The following STAU1 variants were observed in gnomAD, a reference collection of about 807,000 sequenced individuals.
The protein encoded by STAU1 is staufen double-stranded RNA binding protein 1.
A neutral mutation model predicts 62.9 loss-of-function variants in STAU1; 13 were observed. The observed-to-expected ratio is 0.21, with a 90% CI of 0.13 to 0.33. The LOEUF (loss-of-function observed/expected upper bound fraction) is 0.33, where lower values mean the gene tolerates loss of function less well. Ranked by LOEUF, STAU1 falls within the 10% of genes least tolerant of loss-of-function variation. STAU1 has a pLI of 1.00. For synonymous variants in STAU1, 269 were observed against 265.1 expected (o/e 1.01, Z -0.14); for missense variants, 571 against 712.1 (o/e 0.80, Z 2.25).
At chr20:49,129,122 C>CA (rs2092695869) in intron 6 of STAU1, among the ~76,000 whole-genome samples, 1 of 151,172 alleles carries the variant, frequency 6.6e-6, no homozygotes, top group African/African-American at 2.4e-5. Context: ...AAAAGACACT[C>CA]AAAAAAACTG....
chr20:49,118,114 G>A lies in STAU1; in HGVS notation c.1190-18C>T, dbSNP rs760280530. 1.5e-5 allele frequency: 24 copies of A among 1,606,762 alleles called. No individual in the cohort carries two copies. The highest frequency in any genetic ancestry group is 4.5e-5 in the East Asian group (2 of 44,816). ...TTTATTACCTGGGAGGGACATACAC[G>A]GTAAACACGAATCCACATCCACAGC... On this transcript the variant is annotated intron_variant, in intron 10 of 13. Transcript: ENST00000371856.
intron 2 of STAU1, among the ~76,000 whole-genome samples, chr20:49,169,329 G>A (rs974806672): frequency 2.0e-5 from 3 of 152,050 alleles, no homozygotes; most frequent in Non-Finnish European, 4.4e-5. Flanking sequence ...GATGAATGGG[G>A]GAAAATATAT....
intron 3 of STAU1, among the ~76,000 whole-genome samples, chr20:49,164,026 G>A (rs1482881340): frequency 6.6e-6 from 1 of 152,138 alleles, no homozygotes; most frequent in African/African-American, 2.4e-5. Flanking sequence ...GAGATCAGGA[G>A]TTGGAGATGA....
chr20:49,135,047 C>A, intron 6 of STAU1: 1 of 1,442,942 alleles, frequency 6.9e-7, no homozygotes, highest in Non-Finnish European at 9.7e-7. Flanking sequence ...ATCTCCAGAG[C>A]CCTGGGCAGC....
At chr20:49,125,534 G>GAAA (rs527934630) in intron 6 of STAU1, among the ~76,000 whole-genome samples, 10 of 76,366 alleles carry the variant, frequency 1.3e-4, no homozygotes, top group African/African-American at 2.4e-4. Context: ...TGTCTCAAAG[G>GAAA]AAAAAAAAAA....
At chr20:49,204,014 C>A in the STAU1 span, among the ~76,000 whole-genome samples, 9 of 152,094 alleles carry the variant, frequency 5.9e-5, no homozygotes, top group Admixed American at 3.9e-4. Flanking sequence ...ATATATTTAT[C>A]CATTCATTTA....
chr20:49,154,938 T>C (rs2093333340), intron 3 of STAU1, among the ~76,000 whole-genome samples: 1 of 151,880 alleles, frequency 6.6e-6, no homozygotes, highest in Non-Finnish European at 1.5e-5. Context: ...TACAAAAAAT[T>C]AGCCAGGCAT....
At chr20:49,195,229 A>T in the STAU1 span, among the ~76,000 whole-genome samples, 1 of 152,184 alleles carries the variant, frequency 6.6e-6, no homozygotes, top group African/African-American at 2.4e-5. Flanking sequence ...TAACAACCCA[A>T]TGAAAAATGA....
chr20:49,151,779 G>GTCTCA, intron 4 of STAU1, 32 bp from the exon 5 acceptor site: 1 of 1,590,312 alleles, frequency 6.3e-7, no homozygotes, highest in South Asian at 1.1e-5. Flanking sequence ...GCAAATTACA[G>GTCTCA]TCTCAAGTTG....
At chr20:49,184,311 T>G (rs1248703671) in intron 1 of STAU1, among the ~76,000 whole-genome samples, 1 of 152,138 alleles carries the variant, frequency 6.6e-6, no homozygotes, top group Non-Finnish European at 1.5e-5. Flanking sequence ...TTACCACTTA[T>G]TCCAGTTCAG....
chr20:49,170,537 G>A (rs2093583762), intron 2 of STAU1, among the ~76,000 whole-genome samples: 1 of 152,082 alleles, frequency 6.6e-6, no homozygotes, highest in African/African-American at 2.4e-5. Flanking sequence ...GTTTTTAGTA[G>A]AAATGGGGTT....
intron 7 of STAU1, 133 bp from the exon 8 acceptor site, chr20:49,123,368 T>C: frequency 9.8e-7 from 1 of 1,017,932 alleles, no homozygotes; most frequent in Non-Finnish European, 1.5e-6. Flanking sequence ...TTTTTTTTAA[T>C]TTAACATTTT....
At chr20:49,144,063 C>A (rs1330819651) in intron 5 of STAU1, among the ~76,000 whole-genome samples, 1 of 152,184 alleles carries the variant, frequency 6.6e-6, no homozygotes, top group East Asian at 1.9e-4. Context: ...GAGAAAGCAG[C>A]CATTTCCTTG....
chr20:49,115,188 G>A (rs1408907938), intron 13 of STAU1, among the ~76,000 whole-genome samples: 2 of 152,114 alleles, frequency 1.3e-5, no homozygotes, highest in Admixed American at 1.3e-4. Context: ...GATCTATGGG[G>A]GAGGCGGTGG....
chr20:49,142,191 A>T (rs1405399030), intron 5 of STAU1, among the ~76,000 whole-genome samples: 1 of 152,108 alleles, frequency 6.6e-6, no homozygotes, highest in East Asian at 1.9e-4. Context: ...GGTTCCAGTG[A>T]TTCTCCTGCC....
At chr20:49,147,985 ATCAT>A (rs1371964674) in intron 5 of STAU1, among the ~76,000 whole-genome samples, 3 of 152,198 alleles carry the variant, frequency 2.0e-5, no homozygotes, top group Admixed American at 6.5e-5. Flanking sequence ...AAATTTATAA[ATCAT>A]TCATTGTTCC....
the STAU1 span, among the ~76,000 whole-genome samples, chr20:49,217,269 G>A: frequency 6.6e-6 from 1 of 152,074 alleles, no homozygotes; most frequent in Non-Finnish European, 1.5e-5. Flanking sequence ...TCCTCCTCCA[G>A]TGCTCCGTTC....
intron 1 of STAU1, among the ~76,000 whole-genome samples, chr20:49,187,112 G>A (rs1419804387): frequency 6.6e-6 from 1 of 152,156 alleles, no homozygotes; most frequent in Admixed American, 6.5e-5. Flanking sequence ...CCCCTTCAGA[G>A]CCCAACACAC....
chr20:49,187,691 T>C (rs1262921849), intron 1 of STAU1, among the ~76,000 whole-genome samples: 1 of 151,320 alleles, frequency 6.6e-6, no homozygotes, highest in Non-Finnish European at 1.5e-5. Context: ...TTTGGACACC[T>C]GGGCCGTGCT....
Sources: gnomAD v4.1 joint callset for allele counts (sites outside exome capture counted in the v4.1 genomes callset) on GRCh38, gnomAD v4.1.1 for gene constraint, MANE v1.5 for transcripts, NCBI Gene and HGNC (gene_info 2026-07-23, HGNC 2026-07-21) for gene names.